PPP2R5C: variants seen among roughly 807,000 people sequenced by gnomAD.
PPP2R5C encodes serine/threonine-protein phosphatase 2A 56 kDa regulatory subunit gamma isoform.
A neutral mutation model predicts 68.9 loss-of-function variants in PPP2R5C; 7 were observed. The observed-to-expected ratio is 0.10, with a 90% CI of 0.06 to 0.19. The LOEUF (loss-of-function observed/expected upper bound fraction) is 0.19. Ranked by LOEUF, PPP2R5C falls within the 10% of genes least tolerant of loss-of-function variation. The pLI is 1.00. For missense variants in PPP2R5C, 348 were observed against 641.3 expected (o/e 0.54, Z 4.94); for synonymous variants, 210 against 222.2 (o/e 0.95, Z 0.49).
chr14:101,765,568 CTTTTTT>C (rs568558671), intron 2 of PPP2R5C: 38 of 152,862 alleles, frequency 2.5e-4, no homozygotes, highest in Non-Finnish European at 4.1e-4. Flanking sequence ...GCTTTCAAGC[CTTTTTT>C]TTTTTTTTTT....
chr14:101,913,034 A>G lies in PPP2R5C; in HGVS notation c.1326+561A>G, dbSNP rs1595543656. Among the ~76,000 whole-genome samples, 1 of 152,132 alleles carries G rather than the reference A, an allele frequency of 6.6e-6. No homozygotes were observed. Among genetic ancestry groups the G allele is most frequent in the African/African-American group, 2.4e-5 (1 of 41,422 alleles). On this transcript the variant is annotated intron_variant, in intron 12 of 13. Coordinates refer to ENST00000334743, the Ensembl canonical transcript of PPP2R5C. The surrounding 1 kb of genome is among the most constrained non-coding windows in gnomAD (Gnocchi z 4.1). ...CTGGTGAGTCTGCGCCGATGGCCGGACGTCCCGGAGCTGCCGGCAGTTCCA... is the reference window on the plus strand; with the variant it reads ...CTGGTGAGTCTGCGCCGATGGCCGGGCGTCCCGGAGCTGCCGGCAGTTCCA...
intron 1 of PPP2R5C, among the ~76,000 whole-genome samples, chr14:101,849,833 G>A (rs770599428): frequency 1.3e-5 from 2 of 152,070 alleles, no homozygotes; most frequent in African/African-American, 4.8e-5. Flanking sequence ...GTCAGGTGTC[G>A]ATTTATGCAT....
chr14:101,862,085 T>A (rs897781942), intron 2 of PPP2R5C, among the ~76,000 whole-genome samples: 3 of 152,156 alleles, frequency 2.0e-5, no homozygotes, highest in Non-Finnish European at 4.4e-5. Context: ...GCTGATTTTT[T>A]AAATTTTTTT....
At chr14:101,884,076 G>A (rs76162406) in intron 5 of PPP2R5C, among the ~76,000 whole-genome samples, 3,801 of 152,240 alleles carry the variant, frequency 0.025, 150 homozygotes, top group African/African-American at 0.087. Context: ...AGTCTGTGGC[G>A]GAAAGCCCAG....
At chr14:101,800,391 G>A (rs375095287) in intron 3 of PPP2R5C, among the ~76,000 whole-genome samples, 31 of 151,974 alleles carry the variant, frequency 2.0e-4, no homozygotes, top group Admixed American at 1.6e-3. Flanking sequence ...GCGAAACCCC[G>A]TGTCTACTAA....
intron 1 of PPP2R5C, among the ~76,000 whole-genome samples, chr14:101,846,957 G>T (rs533684845): frequency 6.6e-6 from 1 of 152,216 alleles, no homozygotes; most frequent in Non-Finnish European, 1.5e-5. Context: ...TTCCACAGAA[G>T]AGAAATGCCT....
At chr14:101,880,867 GTATCTAAAGC>G (rs1247900543) in intron 2 of PPP2R5C, among the ~76,000 whole-genome samples, 1 of 152,116 alleles carries the variant, frequency 6.6e-6, no homozygotes, top group Non-Finnish European at 1.5e-5. Context: ...ACAAGACTGG[GTATCTAAAGC>G]CAGCCAAGTT....
At chr14:101,794,910 G>A (rs979350192) in intron 3 of PPP2R5C, among the ~76,000 whole-genome samples, 1 of 152,146 alleles carries the variant, frequency 6.6e-6, no homozygotes, top group Admixed American at 6.5e-5. Context: ...ATTAATTAGA[G>A]CATCTGCACA....
At chr14:101,775,807 C>G (rs1219117952) in intron 2 of PPP2R5C, among the ~76,000 whole-genome samples, 4 of 152,114 alleles carry the variant, frequency 2.6e-5, no homozygotes, top group African/African-American at 9.7e-5. Context: ...GACTGGCCAC[C>G]TCATCTTTCC....
intron 8 of PPP2R5C, among the ~76,000 whole-genome samples, chr14:101,896,865 T>C (rs1403448993): frequency 6.6e-6 from 1 of 152,184 alleles, no homozygotes; most frequent in Non-Finnish European, 1.5e-5. Flanking sequence ...TTTTGTGAAG[T>C]TGTAATTTTT....
At chr14:101,841,660 A>C (rs1341067672) in intron 1 of PPP2R5C, among the ~76,000 whole-genome samples, 1 of 152,164 alleles carries the variant, frequency 6.6e-6, no homozygotes, top group African/African-American at 2.4e-5. Flanking sequence ...TTTGAAACGA[A>C]ACCTTCCAGT....
intron 3 of PPP2R5C, among the ~76,000 whole-genome samples, chr14:101,788,341 G>A (rs2038214972): frequency 6.6e-6 from 1 of 152,206 alleles, no homozygotes; most frequent in Non-Finnish European, 1.5e-5. Flanking sequence ...TAATTGCTGT[G>A]TTGATAGATT....
chr14:101,890,821 C>G (rs963114803), intron 6 of PPP2R5C, among the ~76,000 whole-genome samples: 1 of 129,418 alleles, frequency 7.7e-6, no homozygotes, highest in Non-Finnish European at 1.6e-5. Flanking sequence ...CACCCAGGCT[C>G]AAGTACAGTG....
At chr14:101,881,513 A>G (rs1398669743) in intron 2 of PPP2R5C, among the ~76,000 whole-genome samples, 1 of 152,254 alleles carries the variant, frequency 6.6e-6, no homozygotes, top group African/African-American at 2.4e-5. Context: ...AGTATGTGTT[A>G]TACAAGTCCA....
chr14:101,918,215 T>C (rs532477107), intron 13 of PPP2R5C, among the ~76,000 whole-genome samples: 1 of 119,402 alleles, frequency 8.4e-6, no homozygotes, highest in Non-Finnish European at 1.8e-5. Flanking sequence ...GTTCTTTAAA[T>C]GTTCACTCCA....
At position 101,924,445 on chromosome 14, in the gene PPP2R5C, C is replaced by CTTTTTTTTTTTTTTTTTTTTTTTTTT. The variant is rs11325673; in HGVS notation, c.1444-684_1444-683insTTTTTTTTTTTTTTTTTTTTTTTTTT. Among the ~76,000 whole-genome samples, 593 of 84,398 alleles carry CTTTTTTTTTTTTTTTTTTTTTTTTTT rather than the reference C, an allele frequency of 7.0e-3. 104 individuals carry two copies. Among genetic ancestry groups the CTTTTTTTTTTTTTTTTTTTTTTTTTT allele is most frequent in the Middle Eastern group, 0.026 (4 of 154 alleles). The allele number at this position is 84,398 out of a possible 152,430, so 55.4% of individuals were successfully genotyped here. Reference sequence around the variant, plus strand: ...TTTACCTCCAAGGAAATTTCTACATCTTTTTTTTTTTTGAGATGGAGTCTG... The same window carrying CTTTTTTTTTTTTTTTTTTTTTTTTTT: ...TTTACCTCCAAGGAAATTTCTACATCTTTTTTTTTTTTTTTTTTTTTTTTTTTTTTTTTTTTTTGAGATGGAGTCTG... On this transcript the variant is annotated intron_variant, in intron 13 of 13. Coordinates refer to ENST00000334743, the Ensembl canonical transcript of PPP2R5C.
rs1014770118 is a variant in PPP2R5C, at chr14:101,781,407, C to T, written c.94-4611C>T. 6.6e-6 allele frequency among the ~76,000 whole-genome samples: 1 copy of T among 152,168 alleles called. No individual in the cohort carries two copies. Among genetic ancestry groups the T allele is most frequent in the Non-Finnish European group, 1.5e-5 (1 of 68,008 alleles). ...CCTGAGCCGCTAGGCTGCCAAGGCG[C>T]GCTGTGCGCGTGGGGCCAGGCTCGA... On this transcript the variant is annotated intron_variant, in intron 2 of 14. Transcript: ENST00000328724. This position sits in a 1 kb window ranked among gnomAD's most constrained non-coding sequence, Gnocchi z 6.4.
chr14:101,823,158 A>G (rs745619406), intron 1 of PPP2R5C, among the ~76,000 whole-genome samples: 8 of 152,246 alleles, frequency 5.3e-5, no homozygotes, highest in Non-Finnish European at 1.0e-4. Flanking sequence ...TTTAAGAAGC[A>G]TGTTTGGTAA....
intron 1 of PPP2R5C, chr14:101,833,579 C>T (rs773789638): frequency 6.6e-6 from 1 of 152,220 alleles, no homozygotes; most frequent in Non-Finnish European, 1.5e-5. Flanking sequence ...AGACACACCC[C>T]CTTGCGATTT....
Sources: allele counts gnomAD v4.1 joint callset (sites outside exome capture counted in the v4.1 genomes callset), GRCh38; gene constraint gnomAD v4.1.1; non-coding constraint Gnocchi (gnomAD v3.1); transcripts MANE v1.5; gene names NCBI Gene and HGNC (gene_info 2026-07-23, HGNC 2026-07-21).